The following PDE10A variants were observed in gnomAD, a reference collection of about 807,000 sequenced individuals.
PDE10A encodes the protein phosphodiesterase 10A, also known as cAMP and cAMP-inhibited cGMP 3',5'-cyclic phosphodiesterase 10A.
A neutral mutation model predicts 97.7 loss-of-function variants in PDE10A; 39 were observed. The ratio of observed to expected loss-of-function variants is 0.40; its 90% CI spans 0.31 to 0.52. PDE10A has a LOEUF of 0.52. PDE10A is among the 20% of genes least tolerant of loss of function. The pLI, the probability that PDE10A is intolerant of heterozygous loss-of-function variation, is 0.56. For synonymous variants in PDE10A, 371 were observed against 376.8 expected (o/e 0.98, Z 0.18); for missense variants, 731 against 1,047.8 (o/e 0.70, Z 4.17).
At chr6:165,626,565 G>C (rs544164316) in intron 1 of PDE10A, among the ~76,000 whole-genome samples, 1 of 152,298 alleles carries the variant, frequency 6.6e-6, no homozygotes, top group South Asian at 2.1e-4. Context: ...ATTTCTTCTC[G>C]ACAGAAAACA....
At chr6:165,668,297 A>G (rs555001990) in intron 1 of PDE10A, among the ~76,000 whole-genome samples, 1 of 152,324 alleles carries the variant, frequency 6.6e-6, no homozygotes, top group Admixed American at 6.5e-5. Flanking sequence ...CCTGATTTCT[A>G]TGGACACCTT....
intron 1 of PDE10A, among the ~76,000 whole-genome samples, chr6:165,584,411 C>G (rs1583588398): frequency 6.6e-6 from 1 of 152,134 alleles, no homozygotes; most frequent in South Asian, 2.1e-4. Flanking sequence ...AGCCCTTCCC[C>G]CAGCCAACAG....
At chr6:165,516,851 A>C (rs925266097) in intron 2 of PDE10A, among the ~76,000 whole-genome samples, 86 of 152,320 alleles carry the variant, frequency 5.6e-4, no homozygotes, top group African/African-American at 1.8e-3. Context: ...GAGTAAAATA[A>C]AACCTACTTT....
intron 2 of PDE10A, among the ~76,000 whole-genome samples, chr6:165,534,376 A>T (rs1782956028): frequency 6.6e-6 from 1 of 151,864 alleles, no homozygotes; most frequent in South Asian, 2.1e-4. Context: ...ATACTTAAAG[A>T]AGAACCACCC....
intron 1 of PDE10A, among the ~76,000 whole-genome samples, chr6:165,821,566 G>A (rs111303561): frequency 1.3e-5 from 2 of 152,010 alleles, no homozygotes; most frequent in African/African-American, 4.8e-5. Flanking sequence ...CCAGGCGGGA[G>A]TGCAGTGGCG....
At chr6:165,805,349 C>T (rs571756227) in intron 1 of PDE10A, among the ~76,000 whole-genome samples, 50 of 152,250 alleles carry the variant, frequency 3.3e-4, no homozygotes, top group South Asian at 8.3e-4. Flanking sequence ...TCACTTCTCT[C>T]CCAGGGCCCC....
rs1189665395 is a variant in PDE10A, at chr6:165,596,301, C to T, written c.866-52733G>A. Among the ~76,000 whole-genome samples, 4 of 152,250 alleles carry T rather than the reference C, an allele frequency of 2.6e-5. No homozygotes were observed. The East Asian group carries it at 7.7e-4, about 29-fold the overall frequency. ...GTGTCCACCACGGCCCCAGCCACCA[C>T]CAGCCCTTGCCTGGTTTGGCCACTG... On this transcript the variant is annotated intron_variant, in intron 1 of 21. Transcript: ENST00000539869.
At chr6:165,579,307 G>T (rs1440722164) in intron 1 of PDE10A, among the ~76,000 whole-genome samples, 1 of 152,172 alleles carries the variant, frequency 6.6e-6, no homozygotes, top group East Asian at 1.9e-4. Flanking sequence ...TTGAAGCCAG[G>T]AATGCCCATT....
In PDE10A at chr6:165,682,107, GT is replaced by G. The variant is rs529831523; in HGVS notation, c.-614-138540del. 1.5e-3 allele frequency among the ~76,000 whole-genome samples: 235 copies of G among 152,176 alleles called. 1 individual carries two copies. The highest frequency in any genetic ancestry group is 2.6e-3 in the Non-Finnish European group (178 of 67,994). On this transcript the variant is annotated intron_variant, in intron 1 of 19. Transcript: ENST00000366882. ...CTGTATCTCTTACTTGAGACTGAAG[GT>G]TTTTATTCCCCAACCCCAAATTTAT...
intron 1 of PDE10A, among the ~76,000 whole-genome samples, chr6:165,870,698 C>T (rs1268008920): frequency 6.6e-6 from 1 of 152,030 alleles, no homozygotes; most frequent in Non-Finnish European, 1.5e-5. Flanking sequence ...GATATGGAAT[C>T]AATATAAGTG....
At chr6:165,901,660 C>A (rs372027412) in intron 1 of PDE10A, among the ~76,000 whole-genome samples, 1 of 152,076 alleles carries the variant, frequency 6.6e-6, no homozygotes, top group Non-Finnish European at 1.5e-5. Flanking sequence ...AAATTAGCCA[C>A]GCATGGTGGC....
At chr6:165,723,043 T>TGCCA (rs1423687699) in intron 1 of PDE10A, among the ~76,000 whole-genome samples, 1 of 152,176 alleles carries the variant, frequency 6.6e-6, no homozygotes, top group Non-Finnish European at 1.5e-5. Context: ...GAACACACCA[T>TGCCA]GCCAGCATCC....
intron 1 of PDE10A, among the ~76,000 whole-genome samples, chr6:165,787,194 T>G (rs2128462825): frequency 6.6e-6 from 1 of 152,244 alleles, no homozygotes; most frequent in South Asian, 2.1e-4. Context: ...GATCATTAAG[T>G]TACTGATAAA....
chr6:165,855,295 CG>C (rs1287317515), intron 1 of PDE10A, among the ~76,000 whole-genome samples: 2 of 45,274 alleles, frequency 4.4e-5, no homozygotes, highest in East Asian at 8.3e-4. Flanking sequence ...ATAGGCGGCG[CG>C]GGAAGTGGCG....
chr6:165,514,608 A>G (rs533810456), intron 2 of PDE10A, among the ~76,000 whole-genome samples: 1 of 152,214 alleles, frequency 6.6e-6, no homozygotes, highest in African/African-American at 2.4e-5. Flanking sequence ...ATGAAATCAC[A>G]GGCTAGTAGA....
intron 1 of PDE10A, among the ~76,000 whole-genome samples, chr6:165,927,661 T>TAG (rs1219097282): frequency 8.0e-6 from 1 of 125,336 alleles, no homozygotes; most frequent in Middle Eastern, 3.7e-3. Flanking sequence ...TATATATATA[T>TAG]ATATATATAT....
intron 1 of PDE10A, among the ~76,000 whole-genome samples, chr6:165,656,672 C>T (rs1789984928): frequency 6.6e-6 from 1 of 152,194 alleles, no homozygotes; most frequent in Admixed American, 6.5e-5. Flanking sequence ...GTTTTCCACC[C>T]TGCAACCTCA....
intron 1 of PDE10A, among the ~76,000 whole-genome samples, chr6:165,784,026 T>A (rs1367771653): frequency 6.6e-6 from 1 of 152,138 alleles, no homozygotes; most frequent in East Asian, 1.9e-4. Context: ...AAGACCAGCC[T>A]GGCCATCATG....
chr6:165,556,922 C>G (rs1451405353), intron 1 of PDE10A, among the ~76,000 whole-genome samples: 3 of 151,900 alleles, frequency 2.0e-5, no homozygotes, highest in African/African-American at 7.3e-5. Flanking sequence ...GGTGGATCAC[C>G]TGAGGTCAGG....
Sources: gnomAD v4.1 joint callset for allele counts (sites outside exome capture counted in the v4.1 genomes callset) on GRCh38, gnomAD v4.1.1 for gene constraint, MANE v1.5 for transcripts, NCBI Gene and HGNC (gene_info 2026-07-23, HGNC 2026-07-21) for gene names.